CACNA2D2: variants seen among roughly 807,000 people sequenced by gnomAD.
The protein encoded by CACNA2D2 is calcium voltage-gated channel auxiliary subunit alpha2delta 2, also known as voltage-dependent calcium channel subunit alpha-2/delta-2.
In CACNA2D2, 48 loss-of-function variants were observed where a neutral mutation model predicts 166.4. The ratio of observed to expected loss-of-function variants is 0.29; its 90% CI spans 0.23 to 0.37. The LOEUF (loss-of-function observed/expected upper bound fraction) is 0.37. Among genes scored for constraint, CACNA2D2 ranks in the 10% least tolerant of loss-of-function variants. The pLI is 1.00. For missense variants in CACNA2D2, 1,122 were observed against 1,433.0 expected (o/e 0.78, Z 3.50); for synonymous variants, 561 against 573.7 (o/e 0.98, Z 0.32).
rs1481526495 is a variant in CACNA2D2 at position 50,480,009 on chromosome 3, T to G, written c.207-3810A>C. On this transcript the variant is annotated intron_variant, in intron 1 of 37. Transcript: ENST00000424201. ...TAGGCATCTAGGGGCTGCAGTGGCT[T>G]AATGACTGGTGTGGGCACAAGAGAC... 2.0e-5 allele frequency among the ~76,000 whole-genome samples: 3 copies of G among 152,150 alleles called. No homozygotes were observed. In the East Asian group the frequency reaches 5.8e-4, roughly 29 times the overall value.
intron 2 of CACNA2D2, among the ~76,000 whole-genome samples, chr3:50,466,742 C>G (rs1709842525): frequency 6.6e-6 from 1 of 152,254 alleles, no homozygotes; most frequent in African/African-American, 2.4e-5. Context: ...CCCAGTCTGA[C>G]CGCCTGCACT....
chr3:50,459,158 G>T (rs1262881263), intron 2 of CACNA2D2, among the ~76,000 whole-genome samples: 2 of 152,204 alleles, frequency 1.3e-5, no homozygotes, highest in Admixed American at 1.3e-4. Flanking sequence ...TAATTACAGG[G>T]CAGTCACACA....
At chr3:50,500,610 G>A (rs1167014028) in intron 1 of CACNA2D2, among the ~76,000 whole-genome samples, 1 of 152,174 alleles carries the variant, frequency 6.6e-6, no homozygotes, top group African/African-American at 2.4e-5. Flanking sequence ...AAGGAGGCAG[G>A]TGAAAGGTGT....
chr3:50,368,074 C>A, intron 24 of CACNA2D2, 64 bp downstream of exon 24: 1 of 1,325,180 alleles, frequency 7.5e-7, no homozygotes. Context: ...CCTCTGGGTT[C>A]CTCTGGGCTG....
At chr3:50,453,802 G>A (rs1256972058) in intron 2 of CACNA2D2, among the ~76,000 whole-genome samples, 1 of 152,204 alleles carries the variant, frequency 6.6e-6, no homozygotes, top group Non-Finnish European at 1.5e-5. Flanking sequence ...AGATGTGCAA[G>A]GCAAAGCACT....
intron 4 of CACNA2D2, among the ~76,000 whole-genome samples, chr3:50,392,180 A>G (rs1235105145): frequency 6.6e-6 from 1 of 152,136 alleles, no homozygotes; most frequent in African/African-American, 2.4e-5. Flanking sequence ...GGGACAAAAC[A>G]GCATCCCTTC....
chr3:50,378,295 T>C lies in CACNA2D2; in HGVS notation c.1378A>G (p.Ile460Val). 1 of 1,553,128 alleles carries C rather than the reference T, an allele frequency of 6.4e-7. No individual in the cohort carries two copies. Among genetic ancestry groups the C allele is most frequent in the Non-Finnish European group, 8.7e-7 (1 of 1,147,954 alleles). ...FEIPSIGAIR[I>V]NTQEYLDVLG... ...TCCCCAAGTCTCACCTGTGTGTTGA[T>C]GCGGATGGCTCCGATGGAAGGGATC... is the stretch of plus-strand genomic sequence containing the variant. The change falls in exon 14 of 38, where the codon ATC becomes GTC. Residue 460 changes from isoleucine to valine, a missense_variant. By Grantham distance (29) the Ile-to-Val change is conservative (BLOSUM62 3). Around this residue, in one of 2 missense-constraint regions of CACNA2D2, gnomAD observed 840 missense variants for 1,166.8 expected, o/e 0.72. Coordinates refer to ENST00000424201, the MANE Select transcript of CACNA2D2 (RefSeq NM_006030.4).
chr3:50,396,116 T>C (rs2106739230), intron 3 of CACNA2D2, among the ~76,000 whole-genome samples: 1 of 152,168 alleles, frequency 6.6e-6, no homozygotes, highest in East Asian at 1.9e-4. Flanking sequence ...CTCCCATGTC[T>C]TGCCTCCAAT....
At chr3:50,412,768 T>C (rs139548103) in intron 3 of CACNA2D2, among the ~76,000 whole-genome samples, 63 of 152,328 alleles carry the variant, frequency 4.1e-4, no homozygotes, top group Non-Finnish European at 5.1e-4. Context: ...GGGAAAACAG[T>C]AGCAATTTTC....
rs1316166105 is a variant in CACNA2D2 at position 50,375,936 on chromosome 3, C to T, written c.1773+27G>A. Reference sequence around the variant, plus strand: ...CCCCTACACTCCTCTGCTCTGTCCCCCACCCCTGTTCTCCTCCTCTCCTTA... The same window carrying T: ...CCCCTACACTCCTCTGCTCTGTCCCTCACCCCTGTTCTCCTCCTCTCCTTA... On this transcript the variant is annotated intron_variant, in intron 19 of 37. Transcript: ENST00000424201. This position sits in a 1 kb window ranked among gnomAD's most constrained non-coding sequence, Gnocchi z 4.0. 3 of 1,612,954 alleles carry T rather than the reference C, an allele frequency of 1.9e-6. No individual in the cohort carries two copies. The highest frequency in any genetic ancestry group is 2.2e-5 in the East Asian group (1 of 44,888).
At chr3:50,473,610 C>G (rs945413570) in intron 2 of CACNA2D2, among the ~76,000 whole-genome samples, 1 of 152,228 alleles carries the variant, frequency 6.6e-6, no homozygotes, top group Non-Finnish European at 1.5e-5. Context: ...TCCTCCTGAC[C>G]TATCAGAGCC....
intron 2 of CACNA2D2, among the ~76,000 whole-genome samples, chr3:50,469,120 C>G (rs532644922): frequency 2.0e-5 from 3 of 152,102 alleles, no homozygotes; most frequent in Admixed American, 6.6e-5. Context: ...TGAGCCACCA[C>G]GCCCAGCTGT....
At chr3:50,434,218 G>A (rs927914692) in intron 3 of CACNA2D2, 95 bp downstream of exon 3, 3 of 834,802 alleles carry the variant, frequency 3.6e-6, no homozygotes, top group Non-Finnish European at 6.0e-6. Context: ...GGAGGGCCAC[G>A]TGATGAAGGC....
chr3:50,383,831 T>G (rs1383911269), intron 6 of CACNA2D2, among the ~76,000 whole-genome samples: 1 of 151,996 alleles, frequency 6.6e-6, no homozygotes. Flanking sequence ...GGGCAGGGAA[T>G]GGGGAAGGGT....
In CACNA2D2 at chr3:50,378,914, C is replaced by A; in HGVS notation, c.1339+1G>T. 6.2e-7 allele frequency: 1 copy of A among 1,613,672 alleles called. No homozygotes were observed. The highest frequency in any genetic ancestry group is 8.5e-7 in the Non-Finnish European group (1 of 1,180,004). ...CTGACAGTGATGCGCAGGGGAGGTA[C>A]CTTTGTTGGCACAGGCCATCCACTG... On this transcript the variant is annotated splice_donor_variant, in intron 13 of 37. Transcript: ENST00000424201. LOFTEE classifies it high-confidence loss of function.
intron 2 of CACNA2D2, among the ~76,000 whole-genome samples, chr3:50,465,752 G>T (rs992549360): frequency 6.6e-6 from 1 of 152,170 alleles, no homozygotes; most frequent in Non-Finnish European, 1.5e-5. Flanking sequence ...GCATGCAGAG[G>T]AAACTGGATT....
rs770646584 is a variant in CACNA2D2, at chr3:50,378,991, C to T, written c.1263G>A (p.Val421=). The T allele has an allele frequency of 1.2e-6, 2 of 1,613,948 alleles. No homozygotes were observed. Among genetic ancestry groups the T allele is most frequent in the African/African-American group, 1.3e-5 (1 of 75,056 alleles). The change falls in exon 13 of 38, where the codon GTG becomes GTA. Residue 421 remains valine, a splice_region_variant and synonymous_variant. Coordinates refer to ENST00000424201, the MANE Select transcript of CACNA2D2 (RefSeq NM_006030.4). ...FEKYNWPNRT[V]RVFTFSVGQH... ...GCCCCACGGAGAAAGTAAACACGCG[C>T]ACCTGTGGGGGGTTTGAGGTTACTG...
rs965920884 is a variant in CACNA2D2 at position 50,370,268 on chromosome 3, C to T, written c.2045+52G>A. The T allele has an allele frequency of 2.4e-5, 32 of 1,313,728 alleles. No homozygotes were observed. The East Asian group carries it at 2.5e-4, about 10-fold the overall frequency. 81.4% of individuals were successfully genotyped at this position (1,313,728 alleles called of 1,614,324 possible). On this transcript the variant is annotated intron_variant, in intron 23 of 37. Transcript: ENST00000424201. ...CAGGCAGCAGTGCAGGAGGTGGGGC[C>T]GGGGCGGTCAGGGTAGGGGAGGACA... is the stretch of plus-strand genomic sequence containing the variant.
chr3:50,488,429 CCCGGGTGCA>C (rs1007086389), intron 1 of CACNA2D2, among the ~76,000 whole-genome samples: 22 of 152,246 alleles, frequency 1.4e-4, no homozygotes, highest in African/African-American at 5.1e-4. Context: ...CACAACTGGG[CCCGGGTGCA>C]GAGCCTCTTC....
Sources: allele counts gnomAD v4.1 joint callset (sites outside exome capture counted in the v4.1 genomes callset), GRCh38; gene constraint gnomAD v4.1.1; regional missense constraint gnomAD v4.1.1; non-coding constraint Gnocchi (gnomAD v3.1); transcripts MANE v1.5; gene names NCBI Gene and HGNC (gene_info 2026-07-23, HGNC 2026-07-21).